Variants in PPP2R2B observed in about 807,000 individuals in gnomAD.
PPP2R2B encodes serine/threonine-protein phosphatase 2A 55 kDa regulatory subunit B beta isoform.
Under a neutral mutation model 46.0 loss-of-function variants are expected in PPP2R2B, and 5 were observed. That is an observed-to-expected ratio of 0.11 (90% confidence interval 0.06 to 0.23). The LOEUF (loss-of-function observed/expected upper bound fraction) is 0.23, where lower values mean the gene tolerates loss of function less well. Among genes scored for constraint, PPP2R2B ranks in the 10% least tolerant of loss-of-function variants. The probability of loss-of-function intolerance (pLI) is 1.00; values close to 1 mark genes in which losing one functional copy is unlikely to be tolerated. For synonymous variants in PPP2R2B, 215 were observed against 206.7 expected (o/e 1.04, Z -0.34); for missense variants, 367 against 575.0 (o/e 0.64, Z 3.70).
intron 1 of PPP2R2B, among the ~76,000 whole-genome samples, chr5:146,992,636 C>A (rs139074490): frequency 2.0e-3 from 305 of 152,330 alleles, no homozygotes; most frequent in African/African-American, 7.1e-3. Flanking sequence ...AACCCAGCAT[C>A]ATCCTCATGT....
At chr5:146,796,202 T>C (rs543397795) in intron 2 of PPP2R2B, among the ~76,000 whole-genome samples, 3 of 152,230 alleles carry the variant, frequency 2.0e-5, no homozygotes, top group East Asian at 1.9e-4. Context: ...TCTTATCCAA[T>C]TGGGCAATGA....
At chr5:146,832,035 G>A (rs1354489169) in intron 2 of PPP2R2B, among the ~76,000 whole-genome samples, 1 of 152,072 alleles carries the variant, frequency 6.6e-6, no homozygotes, top group Non-Finnish European at 1.5e-5. Context: ...AACATTAATG[G>A]GAAAGAGCTT....
intron 2 of PPP2R2B, among the ~76,000 whole-genome samples, chr5:146,823,175 T>C (rs1229501836): frequency 2.6e-5 from 4 of 152,120 alleles, no homozygotes; most frequent in Non-Finnish European, 5.9e-5. Flanking sequence ...GTGGACTTGC[T>C]CTGTGGCCAG....
At chr5:146,667,332 G>GCGCACACACACA (rs1239646840) in intron 5 of PPP2R2B, among the ~76,000 whole-genome samples, 9 of 32,050 alleles carry the variant, frequency 2.8e-4, no homozygotes, top group African/African-American at 8.3e-4. Flanking sequence ...GCGTGCGCGC[G>GCGCACACACACA]CACACACACA....
chr5:146,935,245 AG>A (rs1416446074), intron 1 of PPP2R2B, among the ~76,000 whole-genome samples: 1 of 152,188 alleles, frequency 6.6e-6, no homozygotes, highest in East Asian at 1.9e-4. Context: ...ATTATGTAAT[AG>A]GCTCCAGATA....
chr5:147,004,303 C>T (rs1030043938), intron 1 of PPP2R2B, among the ~76,000 whole-genome samples: 7 of 152,142 alleles, frequency 4.6e-5, no homozygotes, highest in African/African-American at 1.7e-4. Context: ...CTTCTCTGGG[C>T]CAGAAGCCCC....
intron 1 of PPP2R2B, chr5:147,081,181 C>A (rs778803695): frequency 6.5e-7 from 1 of 1,534,062 alleles, no homozygotes; most frequent in South Asian, 1.2e-5. Flanking sequence ...TAAGAGCTCC[C>A]AGTTGTTCTT....
intron 1 of PPP2R2B, among the ~76,000 whole-genome samples, chr5:146,913,351 G>C (rs1170138076): frequency 2.0e-5 from 3 of 152,082 alleles, no homozygotes; most frequent in Non-Finnish European, 4.4e-5. Flanking sequence ...GACTCCAAGG[G>C]TCTTACTCTC....
chr5:146,841,025 C>T (rs1759607665), intron 2 of PPP2R2B, among the ~76,000 whole-genome samples: 1 of 152,084 alleles, frequency 6.6e-6, no homozygotes, highest in South Asian at 2.1e-4. Context: ...GAACTAGAGT[C>T]TCTAATGTAG....
chr5:146,687,447 G>A (rs187650402), intron 5 of PPP2R2B, among the ~76,000 whole-genome samples: 204 of 152,174 alleles, frequency 1.3e-3, no homozygotes, highest in African/African-American at 4.7e-3. Context: ...AGTGCAGATA[G>A]AGAGTGCAGC....
intron 1 of PPP2R2B, among the ~76,000 whole-genome samples, chr5:146,924,199 T>G (rs559151071): frequency 6.6e-6 from 1 of 152,294 alleles, no homozygotes; most frequent in East Asian, 1.9e-4. Flanking sequence ...GTAACAAACC[T>G]GCACTTGTAC....
intron 1 of PPP2R2B, among the ~76,000 whole-genome samples, chr5:146,986,043 C>T (rs1441562180): frequency 6.6e-6 from 1 of 152,088 alleles, no homozygotes; most frequent in Non-Finnish European, 1.5e-5. Flanking sequence ...TAAGACAACA[C>T]CTTCACAAGA....
At chr5:147,014,234 A>C (rs11949219) in intron 1 of PPP2R2B, among the ~76,000 whole-genome samples, 57 of 143,598 alleles carry the variant, frequency 4.0e-4, no homozygotes, top group Non-Finnish European at 5.5e-4. Flanking sequence ...AGTCAGGAAA[A>C]AACAGGTGCT....
intron 2 of PPP2R2B, among the ~76,000 whole-genome samples, chr5:146,781,086 C>G (rs750625812): frequency 7.7e-6 from 1 of 130,428 alleles, no homozygotes; most frequent in Non-Finnish European, 1.6e-5. Flanking sequence ...ACTATGTTAA[C>G]TTCTTCCTAT....
intron 2 of PPP2R2B, among the ~76,000 whole-genome samples, chr5:146,832,378 T>TA (rs1561942620): frequency 0.037 from 3,904 of 104,124 alleles, 184 homozygotes; most frequent in Admixed American, 0.057. Flanking sequence ...CCATTTTTAA[T>TA]CTTTTTTTTT....
At chr5:146,714,188 G>A (rs1309500566) in intron 2 of PPP2R2B, among the ~76,000 whole-genome samples, 2 of 152,176 alleles carry the variant, frequency 1.3e-5, no homozygotes, top group African/African-American at 2.4e-5. Flanking sequence ...GTTCAGACAA[G>A]TGACCAACCA....
intron 7 of PPP2R2B, among the ~76,000 whole-genome samples, chr5:146,619,536 C>T (rs1168048430): frequency 6.6e-6 from 1 of 152,174 alleles, no homozygotes; most frequent in Non-Finnish European, 1.5e-5. Context: ...TGCAGCCATG[C>T]AGAAATGGGG....
At chr5:146,621,025 C>G (rs1412814369) in intron 7 of PPP2R2B, among the ~76,000 whole-genome samples, 2 of 152,258 alleles carry the variant, frequency 1.3e-5, no homozygotes, top group Non-Finnish European at 2.9e-5. Flanking sequence ...CAGCTCCCCA[C>G]TGACAGTGAT....
chr5:146,697,979 C>T lies in PPP2R2B; in HGVS notation c.334G>A (p.Asp112Asn). 1.2e-6 allele frequency: 2 copies of T among 1,607,934 alleles called. No homozygotes were observed. Among genetic ancestry groups the T allele is most frequent in the Non-Finnish European group, 8.5e-7 (1 of 1,177,658 alleles). Reference protein sequence around the residue: ...NAAYFLLSTNDKTVKLWKVSE... With the variant: ...NAAYFLLSTNNKTVKLWKVSE... ...AATACCAAACAGGAATTCCACCTAC[C>T]ATTAGTAGACAGAAGAAAGTAAGCT... is the stretch of plus-strand genomic sequence containing the variant. Residue 112 changes from aspartate to asparagine, a missense_variant and splice_region_variant, in exon 4 of 10, where the codon GAT (aspartate) becomes AAT (asparagine). Physicochemically the swap from Asp to Asn is conservative, Grantham distance 23. Transcript: ENST00000394411.
Sources: gnomAD v4.1 joint callset for allele counts (sites outside exome capture counted in the v4.1 genomes callset) on GRCh38, gnomAD v4.1.1 for gene constraint, MANE v1.5 for transcripts, NCBI Gene and HGNC (gene_info 2026-07-23, HGNC 2026-07-21) for gene names.